CCDC7: variants seen among roughly 807,000 people sequenced by gnomAD.
CCDC7 encodes the protein coiled-coil domain containing 7.
CCDC7 carries 183 observed loss-of-function variants against 196.9 expected under a neutral mutation model. The observed-to-expected ratio is 0.93, with a 90% CI of 0.82 to 1.05. The LOEUF (loss-of-function observed/expected upper bound fraction) is 1.05. CCDC7 is among the 50% of genes least tolerant of loss of function. The pLI is 0.00. For synonymous variants in CCDC7, 525 were observed against 484.6 expected (o/e 1.08, Z -1.10); for missense variants, 1,540 against 1,482.2 (o/e 1.04, Z -0.64).
At chr10:32,594,911 T>TG (rs2060160761) in intron 18 of CCDC7, among the ~76,000 whole-genome samples, 1 of 152,194 alleles carries the variant, frequency 6.6e-6, no homozygotes, top group Admixed American at 6.5e-5. Context: ...AACTTGATCG[T>TG]GGTGGATAAG....
In CCDC7 at chr10:32,625,184, G is replaced by C. The variant is rs544636494; in HGVS notation, c.1802-9070G>C. Among the ~76,000 whole-genome samples, 15 of 151,130 alleles carry C rather than the reference G, an allele frequency of 9.9e-5. No individual in the cohort carries two copies. The East Asian group carries it at 2.7e-3, about 27-fold the overall frequency. On this transcript the variant is annotated intron_variant, in intron 18 of 41. Transcript: ENST00000639629. ...ATTTTAATTCATTGAGTTGATTTTT[G>C]TGTATGTGTCAAATAAGTGTCCAAT...
At chr10:32,644,687 C>T (rs1288503624) in intron 20 of CCDC7, among the ~76,000 whole-genome samples, 4 of 152,162 alleles carry the variant, frequency 2.6e-5, no homozygotes, top group African/African-American at 9.7e-5. Context: ...GTGAATAAGT[C>T]TCATGAGCTC....
chr10:32,791,540 G>A (rs561568032), intron 29 of CCDC7, among the ~76,000 whole-genome samples: 9 of 151,608 alleles, frequency 5.9e-5, no homozygotes, highest in Non-Finnish European at 1.2e-4. Context: ...TTTTAAAAAG[G>A]AGATAAACAG....
At chr10:32,800,796 G>C (rs1362348735) in intron 29 of CCDC7, among the ~76,000 whole-genome samples, 1 of 152,206 alleles carries the variant, frequency 6.6e-6, no homozygotes, top group Non-Finnish European at 1.5e-5. Flanking sequence ...GAAATTGGTT[G>C]AGGGTCCATG....
intron 22 of CCDC7, among the ~76,000 whole-genome samples, chr10:32,687,969 A>G (rs1223089741): frequency 6.6e-6 from 1 of 152,182 alleles, no homozygotes; most frequent in Non-Finnish European, 1.5e-5. Flanking sequence ...GAGTAACTAG[A>G]CAATGCTTGC....
intron 13 of CCDC7, 57 bp downstream of exon 14, chr10:32,544,358 CATAT>C (rs2052055526): frequency 1.3e-6 from 2 of 1,518,734 alleles, no homozygotes; most frequent in Non-Finnish European, 1.8e-6. Context: ...CTCTGATAGT[CATAT>C]ATAGAGAAAC....
At chr10:32,841,365 T>G in intron 33 of CCDC7, among the ~76,000 whole-genome samples, 1 of 151,938 alleles carries the variant, frequency 6.6e-6, no homozygotes, top group Non-Finnish European at 1.5e-5. Context: ...GTGACCAAGC[T>G]GAGAATCAAA....
At chr10:32,709,167 T>G (rs2080357200) in intron 24 of CCDC7, among the ~76,000 whole-genome samples, 1 of 152,012 alleles carries the variant, frequency 6.6e-6, no homozygotes, top group Admixed American at 6.5e-5. Context: ...TCATGTCCTT[T>G]GTAGGGACAT....
intron 9 of CCDC7, chr10:32,511,672 A>G: frequency 6.4e-7 from 1 of 1,574,800 alleles, no homozygotes; most frequent in Non-Finnish European, 8.7e-7. Flanking sequence ...CACCAATGGA[A>G]TTCTCAAACG....
intron 9 of CCDC7, among the ~76,000 whole-genome samples, chr10:32,504,742 T>G (rs1394358340): frequency 6.6e-6 from 1 of 152,254 alleles, no homozygotes; most frequent in Non-Finnish European, 1.5e-5. Context: ...GATTTCTAGT[T>G]TCAAATTATT....
chr10:32,472,625 C>A, intron 7 of CCDC7, 83 bp downstream of exon 8: 1 of 1,254,256 alleles, frequency 8.0e-7, no homozygotes, highest in Non-Finnish European at 1.1e-6. Context: ...GAGAGGGTCT[C>A]ACTCTGTCAC....
intron 29 of CCDC7, among the ~76,000 whole-genome samples, chr10:32,789,908 C>T (rs2082427333): frequency 6.6e-6 from 1 of 152,216 alleles, no homozygotes; most frequent in African/African-American, 2.4e-5. Context: ...ATAACTGGCT[C>T]CAAGTAAGTC....
intron 13 of CCDC7, among the ~76,000 whole-genome samples, chr10:32,558,372 T>C (rs1260902679): frequency 6.6e-6 from 1 of 152,224 alleles, no homozygotes; most frequent in Non-Finnish European, 1.5e-5. Flanking sequence ...TTTTAGCTTT[T>C]GCTAGGCTGC....
chr10:32,599,251 A>G (rs1476740170), intron 18 of CCDC7, among the ~76,000 whole-genome samples: 1 of 151,980 alleles, frequency 6.6e-6, no homozygotes, highest in African/African-American at 2.4e-5. Flanking sequence ...TATTTTTTGT[A>G]TAGGATATCT....
intron 28 of CCDC7, among the ~76,000 whole-genome samples, chr10:32,750,905 A>G (rs2075554812): frequency 6.6e-6 from 1 of 152,212 alleles, no homozygotes; most frequent in Non-Finnish European, 1.5e-5. Flanking sequence ...TCTTACTCCC[A>G]TTTGTAACCT....
At chr10:32,804,838 A>C (rs188867847) in intron 29 of CCDC7, among the ~76,000 whole-genome samples, 177 bp from the exon 31 acceptor site, 1 of 152,270 alleles carries the variant, frequency 6.6e-6, no homozygotes, top group African/African-American at 2.4e-5. Flanking sequence ...ATGATTGCTA[A>C]CAGACCTTCC....
chr10:32,817,997 TA>T (rs1026004007), intron 31 of CCDC7, among the ~76,000 whole-genome samples: 79 of 152,270 alleles, frequency 5.2e-4, no homozygotes, highest in African/African-American at 1.9e-3. Context: ...ATATTAACCT[TA>T]AATGTAAATA....
intron 20 of CCDC7, among the ~76,000 whole-genome samples, chr10:32,642,444 C>T (rs959300743): frequency 1.8e-4 from 28 of 152,204 alleles, no homozygotes; most frequent in African/African-American, 3.4e-4. Context: ...TAGGACCCTC[C>T]GAGCCAGGTG....
intron 20 of CCDC7, among the ~76,000 whole-genome samples, chr10:32,647,397 T>A (rs372473731): frequency 7.5e-6 from 1 of 132,596 alleles, no homozygotes; most frequent in Non-Finnish European, 1.7e-5. Flanking sequence ...TAATCCCAGC[T>A]ACCTGGGAGG....
Sources: gnomAD v4.1 joint callset for allele counts (sites outside exome capture counted in the v4.1 genomes callset) on GRCh38, gnomAD v4.1.1 for gene constraint, MANE v1.5 for transcripts, NCBI Gene and HGNC (gene_info 2026-07-23, HGNC 2026-07-21) for gene names.